The following FADS6 variants were observed in gnomAD, a reference collection of about 807,000 sequenced individuals.
The protein encoded by FADS6 is fatty acid desaturase 6.
A neutral mutation model predicts 31.7 loss-of-function variants in FADS6; 28 were observed. That is an observed-to-expected ratio of 0.88 (90% CI 0.66 to 1.21). The LOEUF is 1.21. Among genes scored for constraint, FADS6 ranks in the 50% most tolerant of loss-of-function variants. The probability of loss-of-function intolerance (pLI) is 0.00; values close to 1 mark genes in which losing one functional copy is unlikely to be tolerated. For synonymous variants in FADS6, 191 were observed against 213.1 expected (o/e 0.90, Z 0.90); for missense variants, 494 against 504.2 (o/e 0.98, Z 0.19).
chr17:74,881,338 G>A (rs1226251715), intron 3 of FADS6, 83 bp from the exon 4 acceptor site: 52 of 1,346,690 alleles, frequency 3.9e-5, no homozygotes, highest in South Asian at 1.0e-4. Flanking sequence ...AAGCAGTGGC[G>A]GAGGCCAGGC....
rs2038524532 is a variant in FADS6 at position 74,877,996 on chromosome 17, C to A, written c.*335G>T. 1.1e-5 allele frequency: 12 copies of A among 1,064,362 alleles called. No homozygotes were observed. The South Asian group carries it at 2.9e-4, about 25-fold the overall frequency. 65.9% of individuals were successfully genotyped at this position (1,064,362 alleles called of 1,614,324 possible). A position where few individuals can be genotyped will look rare whatever the true frequency, so the allele number is the denominator to read the frequency against. ...GGCCCCTGCACAGGATCCCTCTTCA[C>A]CCTGTCACCTCCCTTTAACCCTACC... On this transcript the variant is annotated 3_prime_UTR_variant, in exon 6 of 6. Coordinates refer to ENST00000612771, the MANE Select transcript of FADS6 (RefSeq NM_178128.6).
chr17:74,889,512 G>T (rs1045581571), intron 2 of FADS6, among the ~76,000 whole-genome samples: 10 of 150,486 alleles, frequency 6.6e-5, no homozygotes, highest in African/African-American at 2.2e-4. Context: ...ACACAGCCCT[G>T]TTGAGCTTTG....
At chr17:74,888,812 G>A (rs924213186) in intron 2 of FADS6, among the ~76,000 whole-genome samples, 8 of 152,182 alleles carry the variant, frequency 5.3e-5, no homozygotes, top group South Asian at 2.1e-4. Flanking sequence ...CCCAAGCTTC[G>A]GGGCTTAAAT....
downstream of FADS6, among the ~76,000 whole-genome samples, chr17:74,875,018 C>A (rs1253796390): frequency 6.6e-6 from 1 of 152,178 alleles, no homozygotes; most frequent in East Asian, 1.9e-4. Context: ...ACCCCCAGGG[C>A]TTCACACACT....
chr17:74,883,597 C>T (rs1376366550), intron 2 of FADS6, among the ~76,000 whole-genome samples: 1 of 152,154 alleles, frequency 6.6e-6, no homozygotes, highest in Non-Finnish European at 1.5e-5. Flanking sequence ...AGGGCGGTGG[C>T]GGATGACCAC....
chr17:74,881,653 G>C (rs913654808), intron 3 of FADS6, among the ~76,000 whole-genome samples: 1 of 150,352 alleles, frequency 6.7e-6, no homozygotes, highest in Admixed American at 6.7e-5. Context: ...GAGTAGTTGG[G>C]ACTACAGTTG....
At chr17:74,880,899 C>T (rs978724309) in intron 4 of FADS6, among the ~76,000 whole-genome samples, 169 bp downstream of exon 4, 16 of 152,160 alleles carry the variant, frequency 1.1e-4, no homozygotes, top group African/African-American at 3.9e-4. Context: ...AGAGGGCAGG[C>T]AGGGTCTCTC....
chr17:74,878,134 C>T lies in FADS6; in HGVS notation c.*197G>A. ...ACCATTACCGCTTCACCCAGACACCCCTCAAAACCCAGAAAAGCACGCAAG... is the reference window on the plus strand; with the variant it reads ...ACCATTACCGCTTCACCCAGACACCTCTCAAAACCCAGAAAAGCACGCAAG... On this transcript the variant is annotated 3_prime_UTR_variant, in exon 6 of 6. Coordinates refer to ENST00000612771, the MANE Select transcript of FADS6 (RefSeq NM_178128.6). 1 of 1,419,338 alleles carries T rather than the reference C, an allele frequency of 7.0e-7. No homozygotes were observed. The highest frequency in any genetic ancestry group is 9.2e-7 in the Non-Finnish European group (1 of 1,091,130). 87.9% of individuals were successfully genotyped at this position (1,419,338 alleles called of 1,614,324 possible). A position where few individuals can be genotyped will look rare whatever the true frequency, so the allele number is the denominator to read the frequency against.
intron 2 of FADS6, among the ~76,000 whole-genome samples, chr17:74,888,571 G>A (rs1371781679): frequency 6.6e-6 from 1 of 152,040 alleles, no homozygotes; most frequent in African/African-American, 2.4e-5. Flanking sequence ...ACCCCCACAA[G>A]AGCCCTGAAG....
chr17:74,882,642 G>C lies in FADS6; in HGVS notation c.480C>G (p.Asn160Lys). Residue 160 changes from asparagine to lysine, a missense_variant, in exon 3 of 6, where the codon AAC becomes AAG. Coordinates refer to ENST00000612771, the MANE Select transcript of FADS6 (RefSeq NM_178128.6). ...GHVKMHHAYT[N>K]VVGLGDSSTW... ...TGCTGGAGTCCCCCAGGCCCACCAC[G>C]TTGGTGTAGGCATGGTGCATCTTGA... The C allele has an allele frequency of 6.2e-7, 1 of 1,611,538 alleles. No homozygotes were observed. The highest frequency in any genetic ancestry group is 8.5e-7 in the Non-Finnish European group (1 of 1,179,038).
chr17:74,890,469 G>C (rs994595700), intron 2 of FADS6, among the ~76,000 whole-genome samples: 7 of 152,082 alleles, frequency 4.6e-5, no homozygotes, highest in African/African-American at 1.7e-4. Context: ...AAACTACTCG[G>C]GCCCTGTTCC....
At chr17:74,889,723 T>C (rs1181284825) in intron 2 of FADS6, among the ~76,000 whole-genome samples, 4 of 150,974 alleles carry the variant, frequency 2.6e-5, no homozygotes, top group African/African-American at 7.3e-5. Context: ...AAAAAAAAAT[T>C]AGCTGGACAT....
At position 74,877,948 on chromosome 17, in the gene FADS6, G is replaced by C. The variant is rs2038523924; in HGVS notation, c.*383C>G. On this transcript the variant is annotated 3_prime_UTR_variant, in exon 6 of 6. Transcript: ENST00000612771. ...CGAGGGAGCTGACCCTGTTCTCTCTGTGCCCCCTGCTATCTCCCAGGTGGC... is the reference window on the plus strand; with the variant it reads ...CGAGGGAGCTGACCCTGTTCTCTCTCTGCCCCCTGCTATCTCCCAGGTGGC... 3 of 1,004,662 alleles carry C rather than the reference G, an allele frequency of 3.0e-6. No homozygotes were observed. Among genetic ancestry groups the C allele is most frequent in the South Asian group, 4.4e-5 (1 of 22,596 alleles). 62.2% of individuals were successfully genotyped at this position (1,004,662 alleles called of 1,614,324 possible).
downstream of FADS6, among the ~76,000 whole-genome samples, chr17:74,875,129 ACAACATT>A (rs2038500592): frequency 6.6e-6 from 1 of 152,218 alleles, no homozygotes; most frequent in South Asian, 2.1e-4. Context: ...CTAGAGTCAG[ACAACATT>A]GGGTCTGAAT....
At chr17:74,884,090 C>T (rs2038600289) in intron 2 of FADS6, among the ~76,000 whole-genome samples, 1 of 152,178 alleles carries the variant, frequency 6.6e-6, no homozygotes, top group Admixed American at 6.5e-5. Context: ...GAAGAGAATG[C>T]CATCAGCCCC....
rs1486479319 is a variant in FADS6, at chr17:74,877,880, C to G, written c.*451G>C. ...GGGCAGAGCCTGAAGGAAGCAATAGCCAAGGCCGTGTGGGGCTCTCCCAAT... is the reference window on the plus strand; with the variant it reads ...GGGCAGAGCCTGAAGGAAGCAATAGGCAAGGCCGTGTGGGGCTCTCCCAAT... On this transcript the variant is annotated 3_prime_UTR_variant, in exon 6 of 6. Coordinates refer to ENST00000612771, the MANE Select transcript of FADS6 (RefSeq NM_178128.6). 22 of 988,576 alleles carry G rather than the reference C, an allele frequency of 2.2e-5. No homozygotes were observed. The highest frequency in any genetic ancestry group is 2.3e-5 in the Non-Finnish European group (19 of 832,302). 61.2% of individuals were successfully genotyped at this position (988,576 alleles called of 1,614,324 possible).
chr17:74,875,911 A>G (rs1374058551), downstream of FADS6, among the ~76,000 whole-genome samples: 1 of 152,212 alleles, frequency 6.6e-6, no homozygotes, highest in African/African-American at 2.4e-5. Context: ...GGACAGTTTA[A>G]TGAAGGAGTT....
At chr17:74,885,313 AAT>A (rs55818523) in intron 2 of FADS6, among the ~76,000 whole-genome samples, 10,702 of 141,410 alleles carry the variant, frequency 0.076, 555 homozygotes, top group Middle Eastern at 0.19. Context: ...AAAAAAAAAA[AAT>A]AAATAAATAA....
chr17:74,892,482 G>A (rs1203406089), intron 2 of FADS6, 41 bp downstream of exon 2: 11 of 1,586,762 alleles, frequency 6.9e-6, no homozygotes, highest in South Asian at 1.2e-5. Context: ...GCTGCCACAC[G>A]GTCCCAGCAG....
Sources: allele counts gnomAD v4.1 joint callset (sites outside exome capture counted in the v4.1 genomes callset), GRCh38; gene constraint gnomAD v4.1.1; transcripts MANE v1.5; gene names NCBI Gene and HGNC (gene_info 2026-07-23, HGNC 2026-07-21).